Variants in PTPRJ observed in about 807,000 individuals in gnomAD.
PTPRJ encodes the protein protein tyrosine phosphatase receptor type J, also known as receptor-type tyrosine-protein phosphatase eta.
In PTPRJ, 129 loss-of-function variants were observed where a neutral mutation model predicts 141.3. The observed-to-expected ratio is 0.91, with a 90% confidence interval of 0.79 to 1.06. PTPRJ has a LOEUF of 1.06. Among genes scored for constraint, PTPRJ ranks in the 50% least tolerant of loss-of-function variants. The pLI is 0.00. For synonymous variants in PTPRJ, 610 were observed against 640.5 expected, an observed-to-expected ratio of 0.95 and a Z score of 0.72; for missense variants, 1,601 against 1,679.7, an observed-to-expected ratio of 0.95 and a Z score of 0.82.
chr11:48,079,529 C>T (rs1855504322), intron 1 of PTPRJ, among the ~76,000 whole-genome samples: 1 of 151,976 alleles, frequency 6.6e-6, no homozygotes, highest in South Asian at 2.1e-4. Context: ...AGCTTGCTGC[C>T]TGCTGATGAA....
intron 1 of PTPRJ, among the ~76,000 whole-genome samples, chr11:48,014,244 G>A (rs1854893463): frequency 6.6e-6 from 1 of 152,178 alleles, no homozygotes; most frequent in Non-Finnish European, 1.5e-5. Context: ...GAGGAAAAGG[G>A]GAGGTATTGT....
At chr11:48,060,954 A>G (rs1045613490) in intron 1 of PTPRJ, among the ~76,000 whole-genome samples, 9 of 152,178 alleles carry the variant, frequency 5.9e-5, no homozygotes, top group Admixed American at 3.3e-4. Flanking sequence ...CTCTGCCACC[A>G]TGGCGGACAC....
intron 1 of PTPRJ, among the ~76,000 whole-genome samples, chr11:48,052,023 G>T (rs1854584198): frequency 6.6e-6 from 1 of 152,216 alleles, no homozygotes. Flanking sequence ...TGATGATGAT[G>T]ATGGCGATGG....
chr11:48,011,878 G>A (rs1005187351), intron 1 of PTPRJ, among the ~76,000 whole-genome samples: 1 of 152,154 alleles, frequency 6.6e-6, no homozygotes, highest in African/African-American at 2.4e-5. Context: ...CGCCCAGGCT[G>A]ATCGTGAACT....
intron 24 of PTPRJ, 34 bp downstream of exon 24, chr11:48,164,549 T>G: frequency 4.7e-6 from 6 of 1,272,754 alleles, no homozygotes; most frequent in Admixed American, 4.9e-5. Context: ...CATTCCACCC[T>G]TCCCCTCCAT....
At chr11:48,025,763 G>T (rs1206060068) in intron 1 of PTPRJ, among the ~76,000 whole-genome samples, 1 of 152,176 alleles carries the variant, frequency 6.6e-6, no homozygotes, top group Non-Finnish European at 1.5e-5. Context: ...CCCTTTAGGC[G>T]CTCTAAATGG....
intron 1 of PTPRJ, among the ~76,000 whole-genome samples, chr11:48,059,110 CTTTTTTTTTT>C (rs917350262): frequency 9.8e-6 from 1 of 102,160 alleles, no homozygotes; most frequent in African/African-American, 4.2e-5. Flanking sequence ...TGTGCTGTGC[CTTTTTTTTTT>C]TTTTTTTTTT....
chr11:48,090,098 C>G (rs1485623888), intron 1 of PTPRJ, among the ~76,000 whole-genome samples: 1 of 152,172 alleles, frequency 6.6e-6, no homozygotes, highest in Admixed American at 6.5e-5. Context: ...CCTCCCTCCC[C>G]CCAACCAAGG....
At chr11:48,074,437 A>G (rs1244723214) in intron 1 of PTPRJ, among the ~76,000 whole-genome samples, 1 of 152,176 alleles carries the variant, frequency 6.6e-6, no homozygotes, top group Non-Finnish European at 1.5e-5. Context: ...ATGAGACCCA[A>G]ATTAATAGAC....
intron 1 of PTPRJ, among the ~76,000 whole-genome samples, chr11:48,106,037 A>G (rs760028487): frequency 6.6e-6 from 1 of 152,176 alleles, no homozygotes; most frequent in Non-Finnish European, 1.5e-5. Flanking sequence ...TGAGTGTGTC[A>G]TCTGCTCCAG....
chr11:48,004,251 C>G (rs1197631013), intron 1 of PTPRJ, among the ~76,000 whole-genome samples: 1 of 151,946 alleles, frequency 6.6e-6, no homozygotes, highest in Non-Finnish European at 1.5e-5. Flanking sequence ...GAGTTCAAAT[C>G]CTAGTTTTGC....
intron 14 of PTPRJ, 91 bp downstream of exon 14, chr11:48,145,215 A>G: frequency 6.5e-7 from 1 of 1,547,374 alleles, no homozygotes; most frequent in Non-Finnish European, 8.8e-7. Flanking sequence ...CCTCCCTCAG[A>G]CCTTCAGGAG....
intron 6 of PTPRJ, 95 bp from the exon 7 acceptor site, chr11:48,127,685 A>T (rs1383021617): frequency 1.0e-5 from 13 of 1,301,970 alleles, no homozygotes; most frequent in Admixed American, 1.8e-5. Flanking sequence ...CTCCCCCAGG[A>T]GAGTTTGCTG....
intron 8 of PTPRJ, among the ~76,000 whole-genome samples, chr11:48,132,871 T>A (rs1268630395): frequency 3.9e-5 from 6 of 152,196 alleles, no homozygotes; most frequent in Non-Finnish European, 8.8e-5. Flanking sequence ...AATGCATCCC[T>A]CAGATGAAAT....
chr11:48,122,729 T>C (rs1015312230), intron 4 of PTPRJ, among the ~76,000 whole-genome samples: 1 of 152,198 alleles, frequency 6.6e-6, no homozygotes, highest in African/African-American at 2.4e-5. Flanking sequence ...ACTGACCTGA[T>C]TTAGAACTCT....
In PTPRJ at chr11:48,080,057, G is replaced by A. The variant is rs144277475; in HGVS notation, c.97-30001G>A. 2.6e-3 allele frequency among the ~76,000 whole-genome samples: 401 copies of A among 152,256 alleles called. 1 individual carries two copies. Among genetic ancestry groups the A allele is most frequent in the African/African-American group, 9.0e-3 (374 of 41,536 alleles). The stretch of plus-strand genomic sequence containing the variant: ...CTGAGGGCAGATGCCCATCAGTCCA[G>A]GACAGTTCCTGGGGACAAAAGCCTC... On this transcript the variant is annotated intron_variant, in intron 1 of 24. Transcript: ENST00000418331.
At chr11:48,043,369 T>A (rs1292040680) in intron 1 of PTPRJ, among the ~76,000 whole-genome samples, 3 of 152,216 alleles carry the variant, frequency 2.0e-5, no homozygotes, top group Non-Finnish European at 2.9e-5. Context: ...AGGAGCCACA[T>A]TTCCTGGCTT....
chr11:48,107,546 T>G (rs1471356375), intron 1 of PTPRJ, among the ~76,000 whole-genome samples: 1 of 152,192 alleles, frequency 6.6e-6, no homozygotes, highest in Admixed American at 6.5e-5. Flanking sequence ...CTGTCACTGC[T>G]GAGTCGTGAG....
chr11:47,985,789 C>T (rs902713877), intron 1 of PTPRJ, among the ~76,000 whole-genome samples: 3 of 152,162 alleles, frequency 2.0e-5, no homozygotes, highest in Non-Finnish European at 4.4e-5. Context: ...CAACCTCCAT[C>T]TCCCGGGTTC....
Sources: gnomAD v4.1 joint callset for allele counts (sites outside exome capture counted in the v4.1 genomes callset) on GRCh38, gnomAD v4.1.1 for gene constraint, MANE v1.5 for transcripts, NCBI Gene and HGNC (gene_info 2026-07-23, HGNC 2026-07-21) for gene names.